CCDC192: variants seen among roughly 807,000 people sequenced by gnomAD.
The protein encoded by CCDC192 is coiled-coil domain containing 192, also known as coiled-coil domain-containing protein 192.
intron 5 of CCDC192, among the ~76,000 whole-genome samples, chr5:127,855,171 A>G (rs1461891679): frequency 1.3e-5 from 2 of 152,194 alleles, no homozygotes; most frequent in Non-Finnish European, 2.9e-5. Context: ...GTAGTATGCC[A>G]CACTATTTAA....
At chr5:127,796,807 G>A (rs1757189197) in intron 3 of CCDC192, among the ~76,000 whole-genome samples, 1 of 152,176 alleles carries the variant, frequency 6.6e-6, no homozygotes, top group African/African-American at 2.4e-5. Context: ...ACACAGTGAA[G>A]ATGAGTGTTG....
At chr5:127,815,147 G>T (rs1430255613) in intron 5 of CCDC192, among the ~76,000 whole-genome samples, 1 of 152,064 alleles carries the variant, frequency 6.6e-6, no homozygotes, top group Non-Finnish European at 1.5e-5. Flanking sequence ...AGGTTCATGG[G>T]CATATTTTCA....
chr5:127,849,371 T>C (rs1750700162), intron 5 of CCDC192, among the ~76,000 whole-genome samples: 1 of 152,050 alleles, frequency 6.6e-6, no homozygotes, highest in African/African-American at 2.4e-5. Flanking sequence ...CCACAGGGGA[T>C]AGAGGCTGAC....
intron 3 of CCDC192, among the ~76,000 whole-genome samples, chr5:127,754,859 G>A (rs574458729): frequency 1.5e-4 from 23 of 152,298 alleles, no homozygotes; most frequent in Non-Finnish European, 2.8e-4. Flanking sequence ...GAAACTTACA[G>A]AAGCAAAGCA....
At chr5:127,772,805 G>A (rs1392514027) in intron 3 of CCDC192, among the ~76,000 whole-genome samples, 1 of 152,178 alleles carries the variant, frequency 6.6e-6, no homozygotes, top group Non-Finnish European at 1.5e-5. Flanking sequence ...ACACATGGAT[G>A]CTAGCTAATC....
intron 5 of CCDC192, among the ~76,000 whole-genome samples, chr5:127,829,098 C>G (rs78184709): frequency 6.6e-6 from 1 of 152,028 alleles, no homozygotes. Context: ...AGGGAGAACC[C>G]GGTATGCTGC....
chr5:127,824,367 T>C (rs1307134965), intron 5 of CCDC192, among the ~76,000 whole-genome samples: 1 of 152,204 alleles, frequency 6.6e-6, no homozygotes, highest in Admixed American at 6.5e-5. Context: ...GCGTGCCAGC[T>C]GGAAGCAATA....
chr5:127,727,904 T>A (rs957921331), intron 2 of CCDC192, among the ~76,000 whole-genome samples: 2 of 152,198 alleles, frequency 1.3e-5, no homozygotes, highest in Admixed American at 6.5e-5. Flanking sequence ...CAACCACAAG[T>A]ATCTACAGCC....
intron 5 of CCDC192, among the ~76,000 whole-genome samples, chr5:127,863,413 A>C (rs185323583): frequency 2.0e-5 from 3 of 152,364 alleles, no homozygotes; most frequent in Admixed American, 1.3e-4. Flanking sequence ...CTGGAGAGTA[A>C]ATTATAATGA....
chr5:127,786,405 T>C (rs879414558), intron 3 of CCDC192: 1 of 622,422 alleles, frequency 1.6e-6, no homozygotes, highest in Non-Finnish European at 3.0e-6. Flanking sequence ...TGCAAATGCA[T>C]CATCTTCCTT....
At chr5:127,922,042 G>A (rs899044144) in intron 6 of CCDC192, among the ~76,000 whole-genome samples, 2 of 152,058 alleles carry the variant, frequency 1.3e-5, no homozygotes, top group Non-Finnish European at 2.9e-5. Context: ...TCAACGAATT[G>A]GATTCTGTGT....
At chr5:127,714,035 C>A (rs1751483045) in intron 2 of CCDC192, among the ~76,000 whole-genome samples, 1 of 152,128 alleles carries the variant, frequency 6.6e-6, no homozygotes, top group Non-Finnish European at 1.5e-5. Flanking sequence ...CTATTTTACT[C>A]TCTATTTCTA....
At chr5:127,712,158 A>T (rs988651117) in intron 2 of CCDC192, among the ~76,000 whole-genome samples, 2 of 152,152 alleles carry the variant, frequency 1.3e-5, no homozygotes, top group African/African-American at 4.8e-5. Context: ...AAATTTATCC[A>T]TGTTGTAGTG....
At chr5:127,723,925 T>C (rs1348906310) in intron 2 of CCDC192, among the ~76,000 whole-genome samples, 5 of 152,200 alleles carry the variant, frequency 3.3e-5, no homozygotes, top group African/African-American at 1.2e-4. Context: ...TCAGAGTCCA[T>C]TGGTTATTTT....
intron 3 of CCDC192, among the ~76,000 whole-genome samples, chr5:127,768,073 G>A (rs1267508381): frequency 6.6e-6 from 1 of 151,990 alleles, no homozygotes; most frequent in Non-Finnish European, 1.5e-5. Flanking sequence ...CCAACATGGT[G>A]AAACCCTGTC....
At chr5:127,719,558 T>C (rs1263320348) in intron 2 of CCDC192, among the ~76,000 whole-genome samples, 893 of 20,728 alleles carry the variant, frequency 0.043, 49 homozygotes, top group Middle Eastern at 0.28. Flanking sequence ...TATATATATA[T>C]ACACACATAC....
intron 5 of CCDC192, among the ~76,000 whole-genome samples, chr5:127,820,288 T>A (rs1201063622): frequency 6.6e-6 from 1 of 152,188 alleles, no homozygotes; most frequent in Non-Finnish European, 1.5e-5. Context: ...GGCATATAAA[T>A]TTTAAAATGT....
chr5:127,703,557 A>G (rs183356149), intron 1 of CCDC192, 50 bp downstream of exon 1: 5 of 397,820 alleles, frequency 1.3e-5, no homozygotes, highest in African/African-American at 2.1e-5. Flanking sequence ...GAATTTCTGG[A>G]TAAAGTAGCT....
chr5:127,863,478 A>C (rs959992630), intron 5 of CCDC192, among the ~76,000 whole-genome samples: 1 of 152,232 alleles, frequency 6.6e-6, no homozygotes, highest in Admixed American at 6.5e-5. Context: ...GTGTGATTCC[A>C]CTTATATGAG....
Sources: gnomAD v4.1 joint callset for allele counts (sites outside exome capture counted in the v4.1 genomes callset) on GRCh38, gnomAD v4.1.1 for gene constraint, MANE v1.5 for transcripts, NCBI Gene and HGNC (gene_info 2026-07-23, HGNC 2026-07-21) for gene names.